The following RPRD1B variants were observed in gnomAD, a reference collection of about 807,000 sequenced individuals.
The protein encoded by RPRD1B is regulation of nuclear pre-mRNA domain containing 1B, also known as regulation of nuclear pre-mRNA domain-containing protein 1B.
Under a neutral mutation model 41.5 loss-of-function variants are expected in RPRD1B, and 11 were observed. The observed-to-expected ratio is 0.27, with a 90% confidence interval of 0.17 to 0.44. RPRD1B has a LOEUF of 0.44. Ranked by LOEUF, RPRD1B falls within the 20% of genes least tolerant of loss-of-function variation. RPRD1B has a pLI of 1.00. For synonymous variants in RPRD1B, 158 were observed against 155.6 expected (o/e 1.02, Z -0.12); for missense variants, 248 against 389.9 (o/e 0.64, Z 3.06).
At chr20:38,082,321 C>T (rs1368934957) in intron 6 of RPRD1B, among the ~76,000 whole-genome samples, 1 of 152,132 alleles carries the variant, frequency 6.6e-6, no homozygotes, top group Non-Finnish European at 1.5e-5. Flanking sequence ...TTATCCATGT[C>T]TTCTAGGTTT....
intron 2 of RPRD1B, among the ~76,000 whole-genome samples, chr20:38,041,536 G>T (rs1042259173): frequency 6.6e-6 from 1 of 152,148 alleles, no homozygotes; most frequent in Non-Finnish European, 1.5e-5. Context: ...ATCAACATGG[G>T]CGCAAGTAGC....
chr20:38,037,737 T>C (rs1004449102), intron 1 of RPRD1B, among the ~76,000 whole-genome samples: 13 of 152,338 alleles, frequency 8.5e-5, no homozygotes, highest in African/African-American at 2.9e-4. Flanking sequence ...TGAAAATTAA[T>C]TGGCATTGTA....
intron 3 of RPRD1B, among the ~76,000 whole-genome samples, chr20:38,054,810 A>G (rs2074223217): frequency 6.6e-6 from 1 of 152,224 alleles, no homozygotes; most frequent in East Asian, 1.9e-4. Context: ...CAAACAGAAC[A>G]GTATAAAAAA....
At chr20:38,080,682 C>T (rs562158933) in intron 6 of RPRD1B, among the ~76,000 whole-genome samples, 13 of 152,248 alleles carry the variant, frequency 8.5e-5, no homozygotes, top group South Asian at 8.3e-4. Flanking sequence ...TGCGTCACCA[C>T]GCCTGGCTTA....
chr20:38,037,866 T>C (rs1477338143), intron 1 of RPRD1B, among the ~76,000 whole-genome samples: 4 of 152,152 alleles, frequency 2.6e-5, no homozygotes, highest in Non-Finnish European at 1.5e-5. Context: ...GGTTTTTTTT[T>C]TTTCAACATA....
Position 38,090,549 on chromosome 20 carries a change from A to G in RPRD1B, c.*674A>G, listed in dbSNP as rs903267797. On this transcript the variant is annotated 3_prime_UTR_variant, in exon 7 of 7. Coordinates refer to ENST00000373433, the MANE Select transcript of RPRD1B (RefSeq NM_021215.4). ...ACAGTTCAGAGACAGAATAACAGGGATCACAAGCATGAATTAAAAGGAATT... is the reference window on the plus strand; with the variant it reads ...ACAGTTCAGAGACAGAATAACAGGGGTCACAAGCATGAATTAAAAGGAATT... The G allele has an allele frequency of 4.1e-6, 4 of 985,796 alleles. No individual in the cohort carries two copies. The African/African-American group carries it at 5.2e-5, about 13-fold the overall frequency. 61.1% of individuals were successfully genotyped at this position (985,796 alleles called of 1,614,324 possible).
intron 6 of RPRD1B, among the ~76,000 whole-genome samples, chr20:38,071,812 C>T (rs777492184): frequency 5.9e-4 from 90 of 152,250 alleles, no homozygotes; most frequent in African/African-American, 9.1e-4. Context: ...GTATGCTTGT[C>T]GGCTGTTTAT....
At chr20:38,070,288 T>C (rs1397506625) in intron 6 of RPRD1B, 1 of 985,344 alleles carries the variant, frequency 1.0e-6, no homozygotes, top group Non-Finnish European at 1.2e-6. Flanking sequence ...GTGGAAGGAA[T>C]GCTGCTGAAA....
intron 6 of RPRD1B, among the ~76,000 whole-genome samples, chr20:38,074,680 A>T (rs2074442450): frequency 6.6e-6 from 1 of 152,180 alleles, no homozygotes; most frequent in South Asian, 2.1e-4. Flanking sequence ...TTAAAACAGC[A>T]CCTGGGCCTC....
At chr20:38,076,636 C>G (rs2074462136) in intron 6 of RPRD1B, among the ~76,000 whole-genome samples, 1 of 152,198 alleles carries the variant, frequency 6.6e-6, no homozygotes, top group African/African-American at 2.4e-5. Flanking sequence ...AAGTGGCTGT[C>G]TTCAGAATTT....
chr20:38,089,643 G>A (rs1321437717), intron 6 of RPRD1B, 83 bp from the exon 7 acceptor site: 19 of 1,136,322 alleles, frequency 1.7e-5, no homozygotes, highest in Admixed American at 3.8e-5. Context: ...ACACGAGGAC[G>A]AGAGTAGCTG....
chr20:38,078,033 G>A (rs1444450484), intron 6 of RPRD1B, among the ~76,000 whole-genome samples: 1 of 151,924 alleles, frequency 6.6e-6, no homozygotes, highest in Non-Finnish European at 1.5e-5. Flanking sequence ...AAAATTAGCT[G>A]GGCATCGTGG....
rs150397040 is a variant in RPRD1B at position 38,038,490 on chromosome 20, G to GTTTT, written c.152-1924_152-1921dup. Reference sequence around the variant, plus strand: ...ACGCCCGGCTGATTTTTTTTGTTTTGTTTTTTTTTTTTTTTTTTTTTTTTG... The same window carrying GTTTT: ...ACGCCCGGCTGATTTTTTTTGTTTTGTTTTTTTTTTTTTTTTTTTTTTTTTTTTG... On this transcript the variant is annotated intron_variant, in intron 1 of 6. Coordinates refer to ENST00000373433, the MANE Select transcript of RPRD1B (RefSeq NM_021215.4). Among the ~76,000 whole-genome samples, 337 of 76,702 alleles carry GTTTT rather than the reference G, an allele frequency of 4.4e-3. 15 individuals carry two copies. Among genetic ancestry groups the GTTTT allele is most frequent in the African/African-American group, 0.011 (233 of 20,690 alleles). 50.3% of individuals were successfully genotyped at this position (76,702 alleles called of 152,430 possible). A position where few individuals can be genotyped will look rare whatever the true frequency, so the allele number is the denominator to read the frequency against.
At chr20:38,042,476 A>G (rs183500974) in intron 2 of RPRD1B, among the ~76,000 whole-genome samples, 90 of 152,294 alleles carry the variant, frequency 5.9e-4, no homozygotes, top group Non-Finnish European at 1.2e-3. Flanking sequence ...TCTTGGGAAC[A>G]CCTTAAAAAC....
chr20:38,059,613 A>G (rs992919261), intron 5 of RPRD1B, 93 bp downstream of exon 5: 9 of 1,223,468 alleles, frequency 7.4e-6, no homozygotes, highest in Admixed American at 4.8e-5. Context: ...GCAGGTATAG[A>G]CTACTTTCCA....
At chr20:38,035,058 A>C (rs534187086) in intron 1 of RPRD1B, among the ~76,000 whole-genome samples, 1 of 152,368 alleles carries the variant, frequency 6.6e-6, no homozygotes, top group Non-Finnish European at 1.5e-5. Flanking sequence ...GGAACTTTGC[A>C]GAAGAGGAAA....
rs541652228 is a variant in RPRD1B at position 38,049,785 on chromosome 20, A to G, written c.415+1304A>G. ...TTAGCTACAGATCTGATCTGCCTGC[A>G]TACATGTTTCCTGGAGGATCGAGTC... On this transcript the variant is annotated intron_variant, in intron 3 of 6. Coordinates refer to ENST00000373433, the MANE Select transcript of RPRD1B (RefSeq NM_021215.4). The G allele has an allele frequency of 5.5e-5, 26 of 471,200 alleles. No homozygotes were observed. In the East Asian group the frequency reaches 1.6e-3, roughly 29 times the overall value. The allele number at this position is 471,200 out of a possible 1,614,324, so 29.2% of individuals were successfully genotyped here. A position where few individuals can be genotyped will look rare whatever the true frequency, so the allele number is the denominator to read the frequency against.
chr20:38,067,621 G>A (rs545627646), intron 6 of RPRD1B, among the ~76,000 whole-genome samples: 3 of 152,324 alleles, frequency 2.0e-5, no homozygotes, highest in East Asian at 1.9e-4. Flanking sequence ...ACTGTGTTGC[G>A]TAGTGGTAGC....
intron 5 of RPRD1B, among the ~76,000 whole-genome samples, chr20:38,060,804 G>A (rs1396357283): frequency 2.0e-5 from 3 of 152,030 alleles, no homozygotes; most frequent in Non-Finnish European, 4.4e-5. Flanking sequence ...CCTCTTCCTA[G>A]TCCTCGAGTC....
Sources: allele counts gnomAD v4.1 joint callset (sites outside exome capture counted in the v4.1 genomes callset), GRCh38; gene constraint gnomAD v4.1.1; transcripts MANE v1.5; gene names NCBI Gene and HGNC (gene_info 2026-07-23, HGNC 2026-07-21).